Variants in EYS observed in about 807,000 individuals in gnomAD.
EYS encodes protein eyes shut homolog.
In EYS, 250 loss-of-function variants were observed where a neutral mutation model predicts 282.1. That is an observed-to-expected ratio of 0.89 (90% CI 0.80 to 0.98). The LOEUF is 0.98. Among genes scored for constraint, EYS ranks in the 50% least tolerant of loss-of-function variants. The pLI is 0.00. For missense variants in EYS, 4,016 were observed against 3,709.0 expected (o/e 1.08, Z -2.15); for synonymous variants, 1,355 against 1,282.9 (o/e 1.06, Z -1.20).
At chr6:65,356,625 CT>C (rs1198638470) in intron 8 of EYS, among the ~76,000 whole-genome samples, 1 of 151,966 alleles carries the variant, frequency 6.6e-6, no homozygotes, top group Non-Finnish European at 1.5e-5. Flanking sequence ...TACTTATACC[CT>C]TCTATACTGA....
chr6:64,096,548 A>C (rs535458680), intron 31 of EYS, among the ~76,000 whole-genome samples: 1 of 152,218 alleles, frequency 6.6e-6, no homozygotes, highest in Non-Finnish European at 1.5e-5. Flanking sequence ...CGAATCAGCT[A>C]CTGAGGCTTG....
intron 29 of EYS, among the ~76,000 whole-genome samples, chr6:64,339,634 T>A (rs1302417979): frequency 6.6e-6 from 1 of 151,916 alleles, no homozygotes; most frequent in African/African-American, 2.4e-5. Context: ...ACTGGGTATC[T>A]GCCCAGAGGA....
At chr6:64,765,475 G>GT (rs1231006960) in intron 22 of EYS, among the ~76,000 whole-genome samples, 10 of 152,048 alleles carry the variant, frequency 6.6e-5, no homozygotes, top group Non-Finnish European at 7.4e-5. Context: ...ACATTTTCAG[G>GT]TATCTTTATA....
intron 29 of EYS, among the ~76,000 whole-genome samples, chr6:64,341,770 C>A (rs1012693296): frequency 6.6e-6 from 1 of 151,640 alleles, no homozygotes; most frequent in South Asian, 2.1e-4. Flanking sequence ...GATGGTGTTT[C>A]CAAAGCATTC....
At chr6:65,675,740 T>G (rs1440640142) in intron 1 of EYS, among the ~76,000 whole-genome samples, 3 of 151,884 alleles carry the variant, frequency 2.0e-5, no homozygotes, top group African/African-American at 7.2e-5. Context: ...AACACTATAG[T>G]CTGATTGAAC....
intron 22 of EYS, among the ~76,000 whole-genome samples, chr6:64,637,500 G>A (rs142415306): frequency 0.061 from 5,296 of 86,848 alleles, 2,022 homozygotes; most frequent in African/African-American, 0.23. Flanking sequence ...GTTAAATGAC[G>A]AGTTAATGGG....
chr6:64,403,120 C>A (rs1330482978), intron 28 of EYS, among the ~76,000 whole-genome samples: 5 of 151,760 alleles, frequency 3.3e-5, no homozygotes, highest in South Asian at 2.1e-4. Context: ...ATCCAATTAT[C>A]GTTATCATTA....
At chr6:64,298,001 T>TAAAAAAAAAAAAAAA (rs1769097836) in intron 30 of EYS, among the ~76,000 whole-genome samples, 3 of 134,036 alleles carry the variant, frequency 2.2e-5, no homozygotes, top group African/African-American at 9.0e-5. Flanking sequence ...AAAAAAAAAT[T>TAAAAAAAAAAAAAAA]AGGTAGAAAT....
intron 12 of EYS, among the ~76,000 whole-genome samples, chr6:65,227,140 A>C (rs943006943): frequency 5.3e-5 from 8 of 150,648 alleles, no homozygotes; most frequent in Non-Finnish European, 1.0e-4. Flanking sequence ...GGCTGAGGGG[A>C]AAAACAACAA....
intron 5 of EYS, among the ~76,000 whole-genome samples, chr6:65,429,022 A>T (rs1044451681): frequency 3.3e-5 from 5 of 152,032 alleles, no homozygotes; most frequent in African/African-American, 9.7e-5. Context: ...CTCTACTAAA[A>T]ATACAAAATT....
chr6:64,903,102 G>T (rs919847609), intron 16 of EYS, among the ~76,000 whole-genome samples: 9 of 151,882 alleles, frequency 5.9e-5, no homozygotes, highest in Non-Finnish European at 2.9e-5. Flanking sequence ...GAAAAAACCT[G>T]CATGATATCA....
intron 30 of EYS, among the ~76,000 whole-genome samples, chr6:64,270,712 A>G (rs1026598916): frequency 2.0e-5 from 3 of 152,212 alleles, no homozygotes; most frequent in Non-Finnish European, 2.9e-5. Flanking sequence ...TAATAAAACA[A>G]TGAGTCTAAT....
chr6:64,969,663 C>G (rs939453003), intron 14 of EYS, among the ~76,000 whole-genome samples: 1 of 151,972 alleles, frequency 6.6e-6, no homozygotes, highest in Non-Finnish European at 1.5e-5. Flanking sequence ...TCTCTGCATT[C>G]CAAGATAATA....
intron 5 of EYS, among the ~76,000 whole-genome samples, chr6:65,431,829 G>T (rs1562177109): frequency 6.6e-6 from 1 of 152,014 alleles, no homozygotes; most frequent in Admixed American, 6.6e-5. Context: ...TTAAACTCAT[G>T]AATAAATAAC....
chr6:64,079,589 A>T (rs569007292), intron 32 of EYS, among the ~76,000 whole-genome samples: 1 of 152,188 alleles, frequency 6.6e-6, no homozygotes, highest in South Asian at 2.1e-4. Flanking sequence ...TTATTTTATT[A>T]TACCTTAAGT....
At chr6:65,252,279 C>T (rs1333350863) in intron 12 of EYS, among the ~76,000 whole-genome samples, 1 of 151,894 alleles carries the variant, frequency 6.6e-6, no homozygotes, top group African/African-American at 2.4e-5. Flanking sequence ...AGATGTGGAT[C>T]TGATTTTATT....
intron 22 of EYS, among the ~76,000 whole-genome samples, chr6:64,682,461 C>T (rs1445877162): frequency 6.6e-6 from 1 of 152,100 alleles, no homozygotes; most frequent in Non-Finnish European, 1.5e-5. Context: ...CACTGTTGCA[C>T]GAAAGTGTTA....
At chr6:64,825,577 G>T (rs1006092711) in intron 19 of EYS, among the ~76,000 whole-genome samples, 1 of 151,860 alleles carries the variant, frequency 6.6e-6, no homozygotes, top group East Asian at 1.9e-4. Flanking sequence ...AACAGTTCTT[G>T]AGAATCTGGG....
At chr6:63,970,392 T>C (rs1169032493) in intron 35 of EYS, among the ~76,000 whole-genome samples, 1 of 152,046 alleles carries the variant, frequency 6.6e-6, no homozygotes, top group Non-Finnish European at 1.5e-5. Flanking sequence ...TCCCAGCACT[T>C]TGGGAGGCCG....
Sources: gnomAD v4.1 joint callset for allele counts (sites outside exome capture counted in the v4.1 genomes callset) on GRCh38, gnomAD v4.1.1 for gene constraint, MANE v1.5 for transcripts, NCBI Gene and HGNC (gene_info 2026-07-23, HGNC 2026-07-21) for gene names.